Variants in RNF217 observed in about 807,000 individuals in gnomAD.
The protein encoded by RNF217 is E3 ubiquitin-protein ligase RNF217.
A neutral mutation model predicts 57.8 loss-of-function variants in RNF217; 31 were observed. The observed-to-expected ratio is 0.54, with a 90% confidence interval of 0.40 to 0.72. The LOEUF is 0.72. Ranked by LOEUF, RNF217 falls within the 30% of genes least tolerant of loss-of-function variation. The probability of loss-of-function intolerance (pLI) is 0.00; values close to 1 mark genes in which losing one functional copy is unlikely to be tolerated. For synonymous variants in RNF217, 313 were observed against 294.0 expected (o/e 1.06, Z -0.66); for missense variants, 696 against 708.3 (o/e 0.98, Z 0.20).
rs139888829 is a variant in RNF217, at chr6:124,991,828, C to T, written c.882+28402C>T. On this transcript the variant is annotated intron_variant, in intron 1 of 5. Transcript: ENST00000521654. ...TTAAGTAAAGATTTAGTTCCTCAGT[C>T]CTAGTAGCAACTTTTAAGGGCTCTT... 4.0e-3 allele frequency among the ~76,000 whole-genome samples: 610 copies of T among 152,238 alleles called. 4 individuals carry two copies. Among genetic ancestry groups the T allele is most frequent in the African/African-American group, 0.013 (558 of 41,548 alleles).
At chr6:125,080,043 T>C (rs967837624) in intron 4 of RNF217, among the ~76,000 whole-genome samples, 4 of 152,130 alleles carry the variant, frequency 2.6e-5, no homozygotes, top group Non-Finnish European at 5.9e-5. Flanking sequence ...ATGCTGTTAC[T>C]TTTTAGTTAT....
chr6:124,996,005 A>C (rs916430640), intron 1 of RNF217, among the ~76,000 whole-genome samples: 4 of 152,008 alleles, frequency 2.6e-5, no homozygotes. Flanking sequence ...GACTATGTAC[A>C]TGTATAGGAA....
At chr6:124,981,090 G>A (rs1040621124) in intron 1 of RNF217, among the ~76,000 whole-genome samples, 2 of 152,140 alleles carry the variant, frequency 1.3e-5, no homozygotes, top group African/African-American at 4.8e-5. Flanking sequence ...ATTAGATGGT[G>A]TGAGCAGTCA....
intron 1 of RNF217, among the ~76,000 whole-genome samples, chr6:124,995,882 A>AT (rs113455879): frequency 5.9e-5 from 9 of 152,248 alleles, no homozygotes; most frequent in African/African-American, 2.2e-4. Flanking sequence ...AGATCGTGTC[A>AT]TTGCACTCCA....
At chr6:125,055,151 G>C (rs1044966619) in intron 2 of RNF217, among the ~76,000 whole-genome samples, 5 of 152,154 alleles carry the variant, frequency 3.3e-5, no homozygotes, top group Non-Finnish European at 7.4e-5. Flanking sequence ...AAAGTTGTTG[G>C]AGTTGGCTAT....
At chr6:124,965,434 A>G (rs1005775461) in intron 1 of RNF217, among the ~76,000 whole-genome samples, 1 of 152,042 alleles carries the variant, frequency 6.6e-6, no homozygotes, top group Admixed American at 6.6e-5. Flanking sequence ...TTAGCTGGGC[A>G]TGGTGGCGCA....
chr6:125,042,323 C>T (rs1243917222), intron 1 of RNF217, among the ~76,000 whole-genome samples: 1 of 152,050 alleles, frequency 6.6e-6, no homozygotes, highest in Non-Finnish European at 1.5e-5. Flanking sequence ...GCTCAACAGA[C>T]ACTTTAAGAG....
chr6:125,069,160 T>C (rs778795153), intron 3 of RNF217, among the ~76,000 whole-genome samples: 9 of 152,158 alleles, frequency 5.9e-5, no homozygotes, highest in Non-Finnish European at 1.2e-4. Flanking sequence ...ACTTGAAACA[T>C]GAAATTTTCT....
intron 3 of RNF217, among the ~76,000 whole-genome samples, chr6:125,061,525 T>A (rs9491292): frequency 0.061 from 9,264 of 151,784 alleles, 902 homozygotes; most frequent in African/African-American, 0.21. Context: ...TTATCAAATT[T>A]TATGAGCTCT....
Position 124,962,751 on chromosome 6 carries a change from C to T in RNF217, c.207C>T (p.Pro69=). 6.3e-7 allele frequency: 1 copy of T among 1,588,088 alleles called. No individual in the cohort carries two copies. Among genetic ancestry groups the T allele is most frequent in the Non-Finnish European group, 8.5e-7 (1 of 1,175,924 alleles). The change falls in exon 1 of 6, where the codon CCC becomes CCT. Residue 69 remains proline, a synonymous_variant. Coordinates refer to ENST00000521654, the MANE Select transcript of RNF217 (RefSeq NM_001286398.3). The surrounding 1 kb of genome is among the most constrained non-coding windows in gnomAD (Gnocchi z 4.6). ...WGCADTSAPE[P]ARSLGPPGWS... ...GCGCGGACACCAGCGCCCCAGAGCC[C>T]GCGAGGAGCCTGGGGCCCCCGGGCT...
intron 1 of RNF217, among the ~76,000 whole-genome samples, chr6:125,039,105 G>T (rs1582740195): frequency 6.6e-6 from 1 of 151,986 alleles, no homozygotes; most frequent in Admixed American, 6.6e-5. Flanking sequence ...GTGATGTTTG[G>T]TTTTCTGTTC....
chr6:124,973,432 A>T lies in RNF217; in HGVS notation c.882+10006A>T, dbSNP rs577633342. On this transcript the variant is annotated intron_variant, in intron 1 of 5. Transcript: ENST00000521654. ...TAATTATATGGTATGTGATAATTTG[A>T]TGTTTATTACCTTGGTTCTCCCCCA... Among the ~76,000 whole-genome samples, 9 of 152,246 alleles carry T rather than the reference A, an allele frequency of 5.9e-5. No individual in the cohort carries two copies. In the East Asian group the frequency reaches 1.5e-3, roughly 26 times the overall value.
chr6:125,053,817 T>C (rs1787417938), intron 2 of RNF217, among the ~76,000 whole-genome samples: 1 of 152,132 alleles, frequency 6.6e-6, no homozygotes, highest in Non-Finnish European at 1.5e-5. Flanking sequence ...ATTAAGATTC[T>C]TAGCTCTGAT....
chr6:125,052,284 T>TTGTGTG (rs368469313), intron 2 of RNF217, among the ~76,000 whole-genome samples: 4,088 of 143,174 alleles, frequency 0.029, 107 homozygotes, highest in African/African-American at 0.064. Context: ...GTCATGCGTT[T>TTGTGTG]TGTGTGTGTG....
chr6:124,993,831 C>G (rs1046581718), intron 1 of RNF217, among the ~76,000 whole-genome samples: 7 of 152,098 alleles, frequency 4.6e-5, no homozygotes, highest in Admixed American at 2.0e-4. Flanking sequence ...GCTAAGAGTG[C>G]CACAGCTGAA....
chr6:125,059,879 A>G (rs576007115), intron 3 of RNF217, among the ~76,000 whole-genome samples: 70 of 152,312 alleles, frequency 4.6e-4, no homozygotes, highest in African/African-American at 1.6e-3. Flanking sequence ...TGAAAGGAAA[A>G]GAACCATGGA....
chr6:125,038,421 GA>G (rs1786737393), intron 1 of RNF217, among the ~76,000 whole-genome samples: 1 of 152,038 alleles, frequency 6.6e-6, no homozygotes, highest in Non-Finnish European at 1.5e-5. Context: ...GCCCCATACT[GA>G]AATATTTATG....
intron 3 of RNF217, among the ~76,000 whole-genome samples, chr6:125,065,471 A>G (rs1787903169): frequency 6.6e-6 from 1 of 152,172 alleles, no homozygotes; most frequent in African/African-American, 2.4e-5. Context: ...GCATTGCAGG[A>G]CATACATAAA....
At chr6:124,970,951 T>C (rs867692138) in intron 1 of RNF217, among the ~76,000 whole-genome samples, 88 of 152,294 alleles carry the variant, frequency 5.8e-4, no homozygotes, top group Admixed American at 4.6e-4. Flanking sequence ...ACAAGGAGTT[T>C]ATTGGTAACT....
Sources: gnomAD v4.1 joint callset for allele counts (sites outside exome capture counted in the v4.1 genomes callset) on GRCh38, gnomAD v4.1.1 for gene constraint, Gnocchi (gnomAD v3.1) non-coding constraint, MANE v1.5 for transcripts, NCBI Gene and HGNC (gene_info 2026-07-23, HGNC 2026-07-21) for gene names.